Variants in EYS observed in about 807,000 individuals in gnomAD.
EYS encodes the protein protein eyes shut homolog.
EYS carries 250 observed loss-of-function variants against 282.1 expected under a neutral mutation model. That is an observed-to-expected ratio of 0.89 (90% CI 0.80 to 0.98). The LOEUF is 0.98. Among genes scored for constraint, EYS ranks in the 50% least tolerant of loss-of-function variants. The probability of loss-of-function intolerance (pLI) is 0.00; values close to 1 mark genes in which losing one functional copy is unlikely to be tolerated. For synonymous variants in EYS, 1,355 were observed against 1,282.9 expected, an observed-to-expected ratio of 1.06 and a Z score of -1.20; for missense variants, 4,016 against 3,709.0, an observed-to-expected ratio of 1.08 and a Z score of -2.15.
At chr6:64,239,024 T>C (rs528203000) in intron 30 of EYS, among the ~76,000 whole-genome samples, 5 of 152,324 alleles carry the variant, frequency 3.3e-5, no homozygotes, top group South Asian at 2.1e-4. Context: ...GTTTTTGTGT[T>C]AGTTTGCCGA....
At chr6:64,490,669 A>G (rs927829079) in intron 26 of EYS, among the ~76,000 whole-genome samples, 1 of 150,902 alleles carries the variant, frequency 6.6e-6, no homozygotes, top group African/African-American at 2.4e-5. Flanking sequence ...TAGTATTACA[A>G]GAAATGAAGT....
At chr6:64,721,486 A>G (rs927385652) in intron 22 of EYS, among the ~76,000 whole-genome samples, 3 of 152,200 alleles carry the variant, frequency 2.0e-5, no homozygotes, top group Non-Finnish European at 4.4e-5. Context: ...CTTTGAGAAC[A>G]TTAATTCCAT....
intron 26 of EYS, among the ~76,000 whole-genome samples, chr6:64,570,538 CAGG>C (rs1406524195): frequency 6.6e-6 from 1 of 151,966 alleles, no homozygotes; most frequent in Non-Finnish European, 1.5e-5. Context: ...GTGCGGTATT[CAGG>C]AGAACTGTCT....
At chr6:64,112,715 A>C (rs932695154) in intron 31 of EYS, among the ~76,000 whole-genome samples, 49 of 149,864 alleles carry the variant, frequency 3.3e-4, no homozygotes, top group African/African-American at 1.1e-3. Flanking sequence ...TTAAAGAATA[A>C]AAATTTACTT....
chr6:64,383,487 G>C (rs1051606672), intron 29 of EYS, among the ~76,000 whole-genome samples: 1 of 152,196 alleles, frequency 6.6e-6, no homozygotes, highest in Non-Finnish European at 1.5e-5. Flanking sequence ...AAGTCCAAAT[G>C]GTAGTCCAGC....
At chr6:65,466,251 T>C (rs935262255) in intron 5 of EYS, among the ~76,000 whole-genome samples, 4 of 152,210 alleles carry the variant, frequency 2.6e-5, no homozygotes, top group South Asian at 2.1e-4. Flanking sequence ...TATAAGATAA[T>C]ATTTTATTGA....
At chr6:64,079,541 C>T (rs1388017586) in intron 32 of EYS, among the ~76,000 whole-genome samples, 3 of 151,724 alleles carry the variant, frequency 2.0e-5, no homozygotes, top group Non-Finnish European at 1.5e-5. Context: ...ATAAGTTGCC[C>T]CAAAGGGGAT....
chr6:65,271,742 C>A (rs147496125), intron 12 of EYS, among the ~76,000 whole-genome samples: 1 of 152,074 alleles, frequency 6.6e-6, no homozygotes, highest in East Asian at 1.9e-4. Context: ...ACTACCACAT[C>A]CAGCTAATTT....
At chr6:63,907,987 T>TACAC (rs60426309) in intron 35 of EYS, among the ~76,000 whole-genome samples, 16 of 105,900 alleles carry the variant, frequency 1.5e-4, no homozygotes, top group South Asian at 3.4e-4. Context: ...TGTATATATG[T>TACAC]ACACACACAC....
At chr6:65,010,923 A>AGAAAG (rs1436273228) in intron 13 of EYS, among the ~76,000 whole-genome samples, 7 of 152,172 alleles carry the variant, frequency 4.6e-5, no homozygotes, top group Non-Finnish European at 8.8e-5. Flanking sequence ...TGGGGTCATC[A>AGAAAG]GAAAGGAAAG....
intron 11 of EYS, among the ~76,000 whole-genome samples, chr6:65,322,570 G>C (rs1404965100): frequency 1.3e-5 from 2 of 151,944 alleles, no homozygotes; most frequent in East Asian, 3.9e-4. Context: ...ACCAAGGTGG[G>C]TGGATCACAA....
chr6:65,472,797 C>A (rs1765262545), intron 5 of EYS, among the ~76,000 whole-genome samples: 1 of 151,844 alleles, frequency 6.6e-6, no homozygotes, highest in African/African-American at 2.4e-5. Context: ...ATTTTTCTTA[C>A]TTAATTCCTA....
intron 12 of EYS, among the ~76,000 whole-genome samples, chr6:65,103,710 G>A (rs1030315031): frequency 2.0e-5 from 3 of 151,410 alleles, no homozygotes; most frequent in Non-Finnish European, 3.0e-5. Flanking sequence ...CTTTTTTCCA[G>A]TAAGTATTTA....
chr6:64,545,419 G>A lies in EYS; in HGVS notation c.5644+44804C>T, dbSNP rs540136221. On this transcript the variant is annotated intron_variant, in intron 26 of 42. Transcript: ENST00000503581. Reference sequence around the variant, plus strand: ...ACAAACCCACAGCCAATATCATACCGAATGAGCAAAAACTGGAGGCATTCC... The same window carrying A: ...ACAAACCCACAGCCAATATCATACCAAATGAGCAAAAACTGGAGGCATTCC... Among the ~76,000 whole-genome samples, 4 of 152,248 alleles carry A rather than the reference G, an allele frequency of 2.6e-5. No homozygotes were observed. The South Asian group carries it at 6.2e-4, about 24-fold the overall frequency.
At chr6:64,545,051 A>G (rs62415787) in intron 26 of EYS, among the ~76,000 whole-genome samples, 14,382 of 152,208 alleles carry the variant, frequency 0.094, 862 homozygotes, top group East Asian at 0.16. Flanking sequence ...ACCAAAGCCT[A>G]GCAGAGACAC....
chr6:65,013,917 C>T (rs917124358), intron 13 of EYS, among the ~76,000 whole-genome samples: 12 of 152,050 alleles, frequency 7.9e-5, no homozygotes, highest in Non-Finnish European at 1.5e-4. Context: ...AATGTCACTC[C>T]GTAATTGTTT....
chr6:65,264,483 C>G (rs916905689), intron 12 of EYS, among the ~76,000 whole-genome samples: 4 of 151,966 alleles, frequency 2.6e-5, no homozygotes, highest in African/African-American at 7.2e-5. Flanking sequence ...ATAAGTACAC[C>G]TCAGAATAGA....
intron 24 of EYS, among the ~76,000 whole-genome samples, chr6:64,596,637 G>A (rs367853672): frequency 2.0e-5 from 3 of 152,082 alleles, no homozygotes; most frequent in East Asian, 3.9e-4. Context: ...AAATAGCGCA[G>A]GGAAAACTGG....
chr6:65,600,615 T>C (rs1192277854), intron 2 of EYS, among the ~76,000 whole-genome samples: 1 of 152,060 alleles, frequency 6.6e-6, no homozygotes, highest in Non-Finnish European at 1.5e-5. Context: ...AACAAGTTCC[T>C]GGTAATTTAC....
Sources: gnomAD v4.1 joint callset for allele counts (sites outside exome capture counted in the v4.1 genomes callset) on GRCh38, gnomAD v4.1.1 for gene constraint, MANE v1.5 for transcripts, NCBI Gene and HGNC (gene_info 2026-07-23, HGNC 2026-07-21) for gene names.